The following DNAAF4 variants were observed in gnomAD, a reference collection of about 807,000 sequenced individuals.
DNAAF4 encodes the protein dynein axonemal assembly factor 4, also known as dynein assembly factor 4, axonemal.
Under a neutral mutation model 51.8 loss-of-function variants are expected in DNAAF4, and 43 were observed. The observed-to-expected ratio is 0.83, with a 90% confidence interval of 0.65 to 1.07. DNAAF4 has a LOEUF of 1.07. DNAAF4 is among the 50% of genes least tolerant of loss of function. The probability of loss-of-function intolerance (pLI) is 0.00; values close to 1 mark genes in which losing one functional copy is unlikely to be tolerated. For synonymous variants in DNAAF4, 194 were observed against 165.6 expected (o/e 1.17, Z -1.32); for missense variants, 581 against 493.0 (o/e 1.18, Z -1.69).
chr15:55,451,773 T>A (rs1057418203), intron 5 of DNAAF4, among the ~76,000 whole-genome samples: 3 of 151,990 alleles, frequency 2.0e-5, no homozygotes, highest in African/African-American at 7.2e-5. Flanking sequence ...CCACCATACA[T>A]GGCTAATTTT....
At chr15:55,471,816 A>G (rs985636677) in intron 4 of DNAAF4, among the ~76,000 whole-genome samples, 1 of 150,192 alleles carries the variant, frequency 6.7e-6, no homozygotes, top group Non-Finnish European at 1.5e-5. Flanking sequence ...CCCAGCCAAC[A>G]ATTCTTAAAG....
chr15:55,488,128 T>A (rs1356427996), intron 4 of DNAAF4, among the ~76,000 whole-genome samples: 1 of 151,932 alleles, frequency 6.6e-6, no homozygotes, highest in Admixed American at 6.6e-5. Flanking sequence ...TTCTTTTTTT[T>A]TTTTTGCTGC....
chr15:55,502,696 G>T (rs2058705991), intron 1 of DNAAF4, among the ~76,000 whole-genome samples: 1 of 152,134 alleles, frequency 6.6e-6, no homozygotes, highest in Admixed American at 6.6e-5. Flanking sequence ...CGAAATGAAG[G>T]CAGAAATAAA....
chr15:55,432,738 G>A, intron 8 of DNAAF4, 136 bp from the exon 9 acceptor site: 1 of 623,374 alleles, frequency 1.6e-6, no homozygotes, highest in Non-Finnish European at 2.6e-6. Context: ...CTGAAGTCAG[G>A]ATTTTGAGAC....
intron 6 of DNAAF4, among the ~76,000 whole-genome samples, chr15:55,440,369 C>G (rs1432791226): frequency 6.8e-6 from 1 of 147,924 alleles, no homozygotes; most frequent in Admixed American, 6.8e-5. Flanking sequence ...TGATTTTAAT[C>G]TTGCAATATT....
In DNAAF4 at chr15:55,456,082, CT is replaced by C. The variant is rs772918466; in HGVS notation, c.638-5716del. On this transcript the variant is annotated intron_variant, in intron 5 of 9. Coordinates refer to ENST00000321149, the MANE Select transcript of DNAAF4 (RefSeq NM_130810.4). ...TATGTAAGGAAAATACTAAATATTT[CT>C]TTTTTTTTTTTTTGAGATGGAGTTT... 2.5e-3 allele frequency among the ~76,000 whole-genome samples: 350 copies of C among 141,178 alleles called. 1 individual carries two copies. The highest frequency in any genetic ancestry group is 3.6e-3 in the Middle Eastern group (1 of 274). The allele number at this position is 141,178 out of a possible 152,430, so 92.6% of individuals were successfully genotyped here.
Position 55,498,325 on chromosome 15 carries a change from G to A in DNAAF4, c.5C>T (p.Pro2Leu), listed in dbSNP as rs770496176. The change falls in exon 2 of 10, where the codon CCT becomes CTT. Residue 2 changes from proline to leucine, a missense_variant. Pro to Leu is a moderately conservative substitution (Grantham distance 98). Transcript: ENST00000321149. M[P>L]LQVSDYSWQQ... ...CCAGCTGTAATCGCTAACCTGAAGA[G>A]GCATTCCGGTAGCAACGGGAGCGGA... 9 of 1,602,284 alleles carry A rather than the reference G, an allele frequency of 5.6e-6. No homozygotes were observed. The highest frequency in any genetic ancestry group is 6.8e-6 in the Non-Finnish European group (8 of 1,173,294).
In DNAAF4 at chr15:55,449,002, T is replaced by A. The variant is rs1053315701; in HGVS notation, c.783+1220A>T. Among the ~76,000 whole-genome samples, 6 of 151,612 alleles carry A rather than the reference T, an allele frequency of 4.0e-5. No individual in the cohort carries two copies. The South Asian group carries it at 6.2e-4, about 16-fold the overall frequency. ...ATTATGTCTTTTATTTTTTATTTTT[T>A]TTTTTGAGACAGAGTTTCACTCTTT... On this transcript the variant is annotated intron_variant, in intron 6 of 9. Coordinates refer to ENST00000321149, the MANE Select transcript of DNAAF4 (RefSeq NM_130810.4).
downstream of DNAAF4, among the ~76,000 whole-genome samples, chr15:55,427,938 A>C (rs569881722): frequency 6.6e-6 from 1 of 151,548 alleles, no homozygotes; most frequent in East Asian, 1.9e-4. Context: ...CCTGGCCTCC[A>C]GCAGTATGAC....
chr15:55,442,597 G>A (rs2057731630), intron 6 of DNAAF4: 25 of 1,372,906 alleles, frequency 1.8e-5, no homozygotes, highest in Non-Finnish European at 2.5e-5. Flanking sequence ...TTCTTCTGGA[G>A]GGGAGAGAAT....
At chr15:55,439,727 T>C in intron 6 of DNAAF4, 146 bp from the exon 7 acceptor site, 1 of 671,696 alleles carries the variant, frequency 1.5e-6, no homozygotes. Flanking sequence ...CTCCTCCAAA[T>C]TGATATACTG....
intron 4 of DNAAF4, among the ~76,000 whole-genome samples, chr15:55,486,665 T>C (rs2058493958): frequency 6.6e-6 from 1 of 152,056 alleles, no homozygotes; most frequent in Non-Finnish European, 1.5e-5. Context: ...ACACCTATAG[T>C]CCTAGCTACT....
chr15:55,423,858 G>A (rs1249105648), intron 7 of DNAAF4, among the ~76,000 whole-genome samples: 1 of 152,132 alleles, frequency 6.6e-6, no homozygotes, highest in Non-Finnish European at 1.5e-5. Flanking sequence ...GGAGGCCAAG[G>A]TGGGCAAATC....
intron 3 of DNAAF4, among the ~76,000 whole-genome samples, chr15:55,496,876 C>G (rs772843997): frequency 2.7e-4 from 41 of 152,214 alleles, no homozygotes; most frequent in African/African-American, 9.9e-4. Context: ...TTTGCCAGAA[C>G]TCCTCTTATC....
chr15:55,433,936 A>T (rs59360565), intron 8 of DNAAF4, among the ~76,000 whole-genome samples: 6 of 1,764 alleles, frequency 3.4e-3, no homozygotes, highest in Admixed American at 0.014. Flanking sequence ...TATTATATAA[A>T]ATATATATAA....
rs1239450674 is a variant in DNAAF4, at chr15:55,430,436, T to C, written c.*234A>G. On this transcript the variant is annotated 3_prime_UTR_variant, in exon 10 of 10. Transcript: ENST00000321149. ...ATTCAGTAACACAAAAAAGTATACA[T>C]ATGTATTAATATGAAGAAATAAGGA... 3 of 1,006,902 alleles carry C rather than the reference T, an allele frequency of 3.0e-6. No homozygotes were observed. The highest frequency in any genetic ancestry group is 7.2e-5 in the East Asian group (1 of 13,934). 62.4% of individuals were successfully genotyped at this position (1,006,902 alleles called of 1,614,324 possible).
chr15:55,436,052 C>T (rs537832399), intron 7 of DNAAF4, among the ~76,000 whole-genome samples: 15 of 152,234 alleles, frequency 9.9e-5, no homozygotes, highest in South Asian at 4.1e-4. Context: ...CCTCCCAAAG[C>T]GCTGGGATTA....
chr15:55,489,420 T>C (rs1013547248), intron 4 of DNAAF4, among the ~76,000 whole-genome samples: 2 of 152,112 alleles, frequency 1.3e-5, no homozygotes, highest in Non-Finnish European at 2.9e-5. Context: ...ATGCCTGTAA[T>C]CCCAACACTT....
intron 8 of DNAAF4, among the ~76,000 whole-genome samples, chr15:55,433,978 TTA>T (rs370974961): frequency 0.46 from 9,182 of 19,894 alleles, 1,693 homozygotes; most frequent in African/African-American, 0.6. Context: ...ATTTTATATA[TTA>T]TATATAATAT....
Sources: gnomAD v4.1 joint callset for allele counts (sites outside exome capture counted in the v4.1 genomes callset) on GRCh38, gnomAD v4.1.1 for gene constraint, MANE v1.5 for transcripts, NCBI Gene and HGNC (gene_info 2026-07-23, HGNC 2026-07-21) for gene names.